The following TTLL8 variants were observed in gnomAD, a reference collection of about 807,000 sequenced individuals.
TTLL8 encodes the protein tubulin tyrosine ligase like 8.
Under a neutral mutation model 77.8 loss-of-function variants are expected in TTLL8, and 65 were observed. That is an observed-to-expected ratio of 0.84 (90% confidence interval 0.68 to 1.03). The LOEUF is 1.03. TTLL8 is among the 50% of genes least tolerant of loss of function. The pLI is 0.00. For synonymous variants in TTLL8, 402 were observed against 422.8 expected (o/e 0.95, Z 0.60); for missense variants, 910 against 1,004.5 (o/e 0.91, Z 1.27).
intron 3 of TTLL8, among the ~76,000 whole-genome samples, chr22:50,047,958 G>C (rs543305023): frequency 6.6e-6 from 1 of 152,086 alleles, no homozygotes. Flanking sequence ...TTAGCCGGGC[G>C]TGGTGGCGGG....
In TTLL8 at chr22:50,049,335, C is replaced by G; in HGVS notation, c.191-13G>C. 1 of 1,367,424 alleles carries G rather than the reference C, an allele frequency of 7.3e-7. No individual in the cohort carries two copies. Among genetic ancestry groups the G allele is most frequent in the South Asian group, 1.1e-5 (1 of 88,046 alleles). 84.7% of individuals were successfully genotyped at this position (1,367,424 alleles called of 1,614,324 possible). ...GCACATGTATCATCTGCCAACAAAA[C>G]ACAGGGGAGGCCTGAACATGAAGCC... On this transcript the variant is annotated splice_polypyrimidine_tract_variant and intron_variant, in intron 2 of 13. Transcript: ENST00000266182.
intron 12 of TTLL8, among the ~76,000 whole-genome samples, chr22:50,025,184 C>T (rs184633564): frequency 7.3e-5 from 11 of 151,612 alleles, no homozygotes; most frequent in Admixed American, 5.3e-4. Flanking sequence ...TATTACATAC[C>T]GCATGCCTGC....
intron 6 of TTLL8, among the ~76,000 whole-genome samples, chr22:50,042,214 C>T (rs914959944): frequency 6.6e-6 from 1 of 152,214 alleles, no homozygotes; most frequent in African/African-American, 2.4e-5. Flanking sequence ...GAAGACAAGC[C>T]ACAGACTGGG....
upstream of TTLL8, among the ~76,000 whole-genome samples, chr22:50,056,268 G>A (rs1435682830): frequency 1.3e-5 from 2 of 152,058 alleles, no homozygotes; most frequent in East Asian, 1.9e-4. This position sits in a 1 kb window ranked among gnomAD's most constrained non-coding sequence, Gnocchi z 4.1. Context: ...ACCGCACTCC[G>A]AGAAGGAAGA....
chr22:50,023,348 GAT>G (rs1181245255), intron 12 of TTLL8, among the ~76,000 whole-genome samples: 1 of 152,158 alleles, frequency 6.6e-6, no homozygotes, highest in African/African-American at 2.4e-5. Context: ...ATGATCTATA[GAT>G]TTGACACAAT....
chr22:50,057,658 GGGAGA>G (rs1323507470), upstream of TTLL8, among the ~76,000 whole-genome samples: 2 of 119,370 alleles, frequency 1.7e-5, no homozygotes, highest in East Asian at 2.9e-4. Flanking sequence ...GGTCTGGGTT[GGGAGA>G]TCAGGTCTGG....
rs1569217813 is a variant in TTLL8 at position 50,021,262 on chromosome 22, AATGTGCACTCCTCCATCTG to A, written c.2204-4719_2204-4701del. Among the ~76,000 whole-genome samples the A allele has an allele frequency of 7.1e-5, 7 of 98,690 alleles. No individual in the cohort carries two copies. The East Asian group carries it at 1.8e-3, about 25-fold the overall frequency. 64.7% of individuals were successfully genotyped at this position (98,690 alleles called of 152,430 possible). A position where few individuals can be genotyped will look rare whatever the true frequency, so the allele number is the denominator to read the frequency against. On this transcript the variant is annotated intron_variant, in intron 12 of 13. Transcript: ENST00000266182. ...GACGACATGTACTCCTCCATCTGAC[AATGTGCACTCCTCCATCTG>A]ATGTGCACTCCTCCATCTGACGATG...
rs781460944 is a variant in TTLL8 at position 50,044,895 on chromosome 22, G to T, written c.643+360C>A. On this transcript the variant is annotated intron_variant, in intron 6 of 13. Coordinates refer to ENST00000266182, the Ensembl canonical transcript of TTLL8. This position sits in a 1 kb window ranked among gnomAD's most constrained non-coding sequence, Gnocchi z 4.2. ...CTGGGCTTCCTGTGTCCTCTCCCAC[G>T]GGGCCCCTTTGGGGAGACTCAGGCT... Among the ~76,000 whole-genome samples, 2 of 152,128 alleles carry T rather than the reference G, an allele frequency of 1.3e-5. No homozygotes were observed. Among genetic ancestry groups the T allele is most frequent in the Non-Finnish European group, 2.9e-5 (2 of 68,010 alleles).
rs145512693 is a variant in TTLL8, at chr22:50,053,972, C to T, written c.51+604G>A. ...GTTCTGCTCTCCGTCCGGGTGTGTC[C>T]GGCCTTAACATCACCATGCCGTGCA... On this transcript the variant is annotated intron_variant, in intron 1 of 13. Coordinates refer to ENST00000266182, the Ensembl canonical transcript of TTLL8. 3.6e-3 allele frequency among the ~76,000 whole-genome samples: 441 copies of T among 121,416 alleles called. 3 individuals are homozygous for T. The highest frequency in any genetic ancestry group is 0.011 in the African/African-American group (404 of 35,446). 79.7% of individuals were successfully genotyped at this position (121,416 alleles called of 152,430 possible). A position where few individuals can be genotyped will look rare whatever the true frequency, so the allele number is the denominator to read the frequency against.
chr22:50,033,682 T>C lies in TTLL8; in HGVS notation c.1040-237A>G, dbSNP rs375383127. Among the ~76,000 whole-genome samples the C allele has an allele frequency of 7.0e-4, 106 of 152,320 alleles. No individual in the cohort carries two copies. In the South Asian group the frequency reaches 8.9e-3, roughly 13 times the overall value. The stretch of plus-strand genomic sequence containing the variant: ...GCTCTCCCCCAACAGAACCAGCCTC[T>C]GAGACCCCAGAGGGGACACAGAGAT... On this transcript the variant is annotated intron_variant, in intron 9 of 13. Coordinates refer to ENST00000266182, the Ensembl canonical transcript of TTLL8.
exon 12 of TTLL8, chr22:50,030,736 C>T: frequency 7.6e-7 from 1 of 1,321,968 alleles, no homozygotes; most frequent in Non-Finnish European, 1.0e-6. Flanking sequence ...CGCTGGAGAG[C>T]TGGTGATGGG....
At chr22:50,031,058 T>TG in intron 11 of TTLL8, 133 bp from the exon 13 acceptor site, 2 of 815,318 alleles carry the variant, frequency 2.5e-6, no homozygotes, top group Non-Finnish European at 3.3e-6. Context: ...AGTGAACACC[T>TG]GGGGTCCCAC....
Position 50,030,928 on chromosome 22 carries a change from G to A in TTLL8, c.1708-3C>T, listed in dbSNP as rs779165237. 10 of 1,317,522 alleles carry A rather than the reference G, an allele frequency of 7.6e-6. No homozygotes were observed. The Middle Eastern group carries it at 6.4e-4, about 84-fold the overall frequency. 81.6% of individuals were successfully genotyped at this position (1,317,522 alleles called of 1,614,324 possible). The stretch of plus-strand genomic sequence containing the variant: ...AATGGGGGCGGCTCAACCACCGGCT[G>A]TGGGGAAGGAACAGGTTGGGGTGCT... On this transcript the variant is annotated splice_region_variant and splice_polypyrimidine_tract_variant and intron_variant, in intron 11 of 13. Transcript: ENST00000266182.
intron 3 of TTLL8, among the ~76,000 whole-genome samples, chr22:50,048,492 A>G (rs2061426055): frequency 1.3e-5 from 2 of 152,250 alleles, no homozygotes; most frequent in East Asian, 3.9e-4. Context: ...GCACCCAGCC[A>G]CACTGCCCCA....
exon 11 of TTLL8, chr22:50,032,037 G>A (rs753536482): frequency 1.8e-5 from 24 of 1,366,148 alleles, no homozygotes; most frequent in Non-Finnish European, 2.0e-5. Flanking sequence ...TGTTGTGTGC[G>A]GGCAGCAGGG....
At chr22:50,039,428 A>G (rs1036564197) in intron 8 of TTLL8, among the ~76,000 whole-genome samples, 1 of 152,220 alleles carries the variant, frequency 6.6e-6, no homozygotes, top group Admixed American at 6.5e-5. Flanking sequence ...GGAACATCCA[A>G]GAAATAATGG....
At chr22:50,027,639 AAGGGCCAGC>A (rs1475500613) in intron 12 of TTLL8, 1 of 985,200 alleles carries the variant, frequency 1.0e-6, no homozygotes, top group Non-Finnish European at 1.2e-6. Flanking sequence ...AACAAGCTCC[AAGGGCCAGC>A]ACGCACTTCC....
intron 1 of TTLL8, 114 bp from the exon 4 acceptor site, chr22:50,050,361 T>A: frequency 3.1e-6 from 2 of 640,976 alleles, no homozygotes; most frequent in Non-Finnish European, 4.7e-6. Context: ...GGGGCACCCA[T>A]CACCCAATAT....
intron 3 of TTLL8, 79 bp from the exon 6 acceptor site, chr22:50,047,375 T>C: frequency 8.2e-7 from 1 of 1,226,440 alleles, no homozygotes; most frequent in Non-Finnish European, 1.1e-6. Flanking sequence ...GAGGCAACCA[T>C]CAGAGGACAA....
Sources: gnomAD v4.1 joint callset for allele counts (sites outside exome capture counted in the v4.1 genomes callset) on GRCh38, gnomAD v4.1.1 for gene constraint, Gnocchi (gnomAD v3.1) non-coding constraint, MANE v1.5 for transcripts, NCBI Gene and HGNC (gene_info 2026-07-23, HGNC 2026-07-21) for gene names.